GBE1: variants seen among roughly 807,000 people sequenced by gnomAD.
GBE1 encodes 1,4-alpha-glucan branching enzyme 1, also known as 1,4-alpha-glucan-branching enzyme.
GBE1 carries 70 observed loss-of-function variants against 88.8 expected under a neutral mutation model. The observed-to-expected ratio is 0.79, with a 90% CI of 0.65 to 0.96. The LOEUF is 0.96. Ranked by LOEUF, GBE1 falls within the 40% of genes least tolerant of loss-of-function variation. The pLI is 0.00. For missense variants in GBE1, 872 were observed against 871.0 expected, an observed-to-expected ratio of 1.00 and a Z score of -0.01; for synonymous variants, 284 against 300.1, an observed-to-expected ratio of 0.95 and a Z score of 0.56.
intron 10 of GBE1, among the ~76,000 whole-genome samples, chr3:81,581,727 A>G (rs1703734669): frequency 6.6e-6 from 1 of 152,120 alleles, no homozygotes; most frequent in African/African-American, 2.4e-5. Context: ...GTGATAAAAC[A>G]ACTGTTTCAA....
intron 1 of GBE1, among the ~76,000 whole-genome samples, chr3:81,719,850 A>G (rs530843427): frequency 4.1e-4 from 62 of 152,296 alleles, no homozygotes; most frequent in African/African-American, 1.5e-3. Flanking sequence ...GAAAACTGAT[A>G]TAAATTGACA....
chr3:81,750,641 A>G lies in GBE1; in HGVS notation c.143+10734T>C, dbSNP rs1437188182. ...TGTATATATATATACGTATATATAT[A>G]TATGTATATATATATATGTATATAT... On this transcript the variant is annotated intron_variant, in intron 1 of 15. Coordinates refer to ENST00000429644, the MANE Select transcript of GBE1 (RefSeq NM_000158.4). Among the ~76,000 whole-genome samples, 60 of 53,078 alleles carry G rather than the reference A, an allele frequency of 1.1e-3. 2 individuals are homozygous for G. The highest frequency in any genetic ancestry group is 7.5e-3 in the African/African-American group (59 of 7,884). 34.8% of individuals were successfully genotyped at this position (53,078 alleles called of 152,430 possible).
chr3:81,516,383 G>C (rs1702799623), intron 14 of GBE1, among the ~76,000 whole-genome samples: 1 of 151,636 alleles, frequency 6.6e-6, no homozygotes. Flanking sequence ...TACTGAGCCT[G>C]TAAGCCCAAG....
intron 2 of GBE1, among the ~76,000 whole-genome samples, chr3:81,681,298 G>C (rs890396268): frequency 6.6e-6 from 1 of 152,080 alleles, no homozygotes; most frequent in Non-Finnish European, 1.5e-5. Context: ...GGGCCAGTAG[G>C]GGGGCTCTTT....
intron 7 of GBE1, among the ~76,000 whole-genome samples, chr3:81,613,472 C>T (rs1411481272): frequency 6.6e-6 from 1 of 151,910 alleles, no homozygotes. Context: ...TCAGAGAGCA[C>T]ACTGTGTCTC....
chr3:81,750,593 A>ATATATATATG (rs1706497244), intron 1 of GBE1, among the ~76,000 whole-genome samples: 2 of 60,452 alleles, frequency 3.3e-5, no homozygotes, highest in Admixed American at 1.9e-4. Flanking sequence ...ATATACGTAT[A>ATATATATATG]TATATATGTG....
At position 81,490,208 on chromosome 3, in the gene GBE1, C is replaced by T; in HGVS notation, c.*199G>A. Reference sequence around the variant, plus strand: ...GACTTGAAAATATGGTCTAGGATTCCTAATATTTTAAACATATTCTCCCAT... The same window carrying T: ...GACTTGAAAATATGGTCTAGGATTCTTAATATTTTAAACATATTCTCCCAT... On this transcript the variant is annotated 3_prime_UTR_variant, in exon 16 of 16. Transcript: ENST00000429644. 1 of 552,112 alleles carries T rather than the reference C, an allele frequency of 1.8e-6. No individual in the cohort carries two copies. The highest frequency in any genetic ancestry group is 3.2e-6 in the Non-Finnish European group (1 of 316,648). The allele number at this position is 552,112 out of a possible 1,614,324, so 34.2% of individuals were successfully genotyped here. A position where few individuals can be genotyped will look rare whatever the true frequency, so the allele number is the denominator to read the frequency against.
At chr3:81,743,657 T>C (rs948325018) in intron 1 of GBE1, 5 of 1,432,182 alleles carry the variant, frequency 3.5e-6, no homozygotes, top group Non-Finnish European at 4.7e-6. Flanking sequence ...CTAGGGCTAT[T>C]AAAGCAGACA....
chr3:81,699,518 G>A (rs746662037), intron 2 of GBE1, among the ~76,000 whole-genome samples: 3 of 152,006 alleles, frequency 2.0e-5, no homozygotes, highest in Admixed American at 6.6e-5. Context: ...ATTAACTTAC[G>A]CAATGGCAAG....
rs1178994153 is a variant in GBE1, at chr3:81,641,924, T to C, written c.992+857A>G. On this transcript the variant is annotated intron_variant, in intron 7 of 15. Coordinates refer to ENST00000429644, the MANE Select transcript of GBE1 (RefSeq NM_000158.4). ...ACACATATATAAAATATATATAATATGTATATAATACATATACATATTTCA... is the reference window on the plus strand; with the variant it reads ...ACACATATATAAAATATATATAATACGTATATAATACATATACATATTTCA... 1.3e-5 allele frequency among the ~76,000 whole-genome samples: 2 copies of C among 149,176 alleles called. 1 individual carries two copies. The highest frequency in any genetic ancestry group is 4.2e-4 in the South Asian group (2 of 4,798).
chr3:81,538,338 A>T (rs1703101774), intron 12 of GBE1, among the ~76,000 whole-genome samples: 2 of 151,998 alleles, frequency 1.3e-5, no homozygotes, highest in Non-Finnish European at 1.5e-5. Context: ...TGCAACTTAC[A>T]TTTAACTTTT....
chr3:81,522,547 C>G (rs960990486), intron 14 of GBE1, among the ~76,000 whole-genome samples: 2 of 151,306 alleles, frequency 1.3e-5, no homozygotes, highest in Non-Finnish European at 1.5e-5. Flanking sequence ...TCCTGCCCCC[C>G]CCAAATTTAA....
intron 7 of GBE1, among the ~76,000 whole-genome samples, chr3:81,636,797 C>T (rs115577930): frequency 0.052 from 7,976 of 152,002 alleles, 512 homozygotes; most frequent in East Asian, 0.35. Context: ...CCCAAAATGC[C>T]GGGATTACAG....
chr3:81,667,300 C>T (rs1380186828), intron 3 of GBE1, among the ~76,000 whole-genome samples: 1 of 152,158 alleles, frequency 6.6e-6, no homozygotes, highest in East Asian at 1.9e-4. Context: ...GATTTTGTAT[C>T]CTGAGACTCC....
intron 7 of GBE1, among the ~76,000 whole-genome samples, chr3:81,640,897 G>A (rs1042929516): frequency 1.3e-5 from 2 of 151,916 alleles, no homozygotes; most frequent in Non-Finnish European, 2.9e-5. Flanking sequence ...CCAAAAGCAT[G>A]CACATGAGAA....
chr3:81,698,062 A>G (rs997227049), intron 2 of GBE1, among the ~76,000 whole-genome samples: 10 of 145,852 alleles, frequency 6.9e-5, no homozygotes, highest in East Asian at 2.0e-4. Context: ...ATATATATAT[A>G]TGTGTATATA....
chr3:81,671,184 G>T (rs1705184055), intron 2 of GBE1, among the ~76,000 whole-genome samples: 1 of 152,090 alleles, frequency 6.6e-6, no homozygotes, highest in Non-Finnish European at 1.5e-5. Context: ...ATTAAATTAA[G>T]ACTATAACAT....
At chr3:81,645,445 T>C (rs1704748661) in intron 6 of GBE1, among the ~76,000 whole-genome samples, 1 of 152,162 alleles carries the variant, frequency 6.6e-6, no homozygotes, top group African/African-American at 2.4e-5. Context: ...AATTGTTCAT[T>C]GTCCTCAACA....
chr3:81,756,763 G>C (rs1456504796), intron 1 of GBE1, among the ~76,000 whole-genome samples: 1 of 152,136 alleles, frequency 6.6e-6, no homozygotes, highest in African/African-American at 2.4e-5. Context: ...GAATGCTTAG[G>C]CAGAAGCAAT....
Sources: gnomAD v4.1 joint callset for allele counts (sites outside exome capture counted in the v4.1 genomes callset) on GRCh38, gnomAD v4.1.1 for gene constraint, MANE v1.5 for transcripts, NCBI Gene and HGNC (gene_info 2026-07-23, HGNC 2026-07-21) for gene names.